TNRC6A: variants seen among roughly 807,000 people sequenced by gnomAD.
TNRC6A encodes trinucleotide repeat containing adaptor 6A.
A neutral mutation model predicts 221.2 loss-of-function variants in TNRC6A; 44 were observed. The ratio of observed to expected loss-of-function variants is 0.20; its 90% confidence interval spans 0.16 to 0.26. The LOEUF (loss-of-function observed/expected upper bound fraction) is 0.26, where lower values mean the gene tolerates loss of function less well. TNRC6A is among the 10% of genes least tolerant of loss of function. The pLI, the probability that TNRC6A is intolerant of heterozygous loss-of-function variation, is 1.00. For synonymous variants in TNRC6A, 847 were observed against 838.5 expected (o/e 1.01, Z -0.18); for missense variants, 2,199 against 2,404.4 (o/e 0.91, Z 1.79).
In TNRC6A at chr16:24,797,936, G is replaced by A. The variant is rs951488085; in HGVS notation, c.3664G>A (p.Val1222Ile). 6.2e-7 allele frequency: 1 copy of A among 1,610,990 alleles called. No individual in the cohort carries two copies. The highest frequency in any genetic ancestry group is 1.1e-5 in the South Asian group (1 of 90,174). Residue 1222 changes from valine to isoleucine, a missense_variant, in exon 11 of 25, where the codon GTA (valine) becomes ATA (isoleucine). Coordinates refer to ENST00000395799, the MANE Select transcript of TNRC6A (RefSeq NM_014494.4). ...TCAGAGAGACTCACCAGAGGAAAAT[G>A]TACAAAGCAATAAGATGGACCTTTC... The part of the protein sequence containing the change: ...SFSRDSPEEN[V>I]QSNKMDLSGG...
At chr16:24,763,499 C>T (rs925171849) in intron 4 of TNRC6A, among the ~76,000 whole-genome samples, 1 of 152,150 alleles carries the variant, frequency 6.6e-6, no homozygotes, top group African/African-American at 2.4e-5. Flanking sequence ...CACCTCTTTA[C>T]TTTTTCTTTC....
Position 24,777,699 on chromosome 16 carries a change from TCAA to T in TNRC6A, c.589+346_589+348del, listed in dbSNP as rs2057755498. Among the ~76,000 whole-genome samples the T allele has an allele frequency of 2.6e-5, 4 of 152,184 alleles. No individual in the cohort carries two copies. The South Asian group carries it at 6.2e-4, about 24-fold the overall frequency. On this transcript the variant is annotated intron_variant, in intron 5 of 24. Transcript: ENST00000395799. ...TTATACATATTATTGCATTTAATCT[TCAA>T]CAACGTTGTGAGACTGAGTTCTTAC...
chr16:24,820,708 G>T (rs540597362), intron 22 of TNRC6A, among the ~76,000 whole-genome samples: 6 of 152,226 alleles, frequency 3.9e-5, no homozygotes, highest in Admixed American at 2.6e-4. Context: ...GAAGACTAGG[G>T]GGGTAGCTTG....
chr16:24,626,419 T>C (rs892910233), intron 1 of TNRC6A, among the ~76,000 whole-genome samples: 3 of 152,128 alleles, frequency 2.0e-5, no homozygotes, highest in African/African-American at 7.2e-5. Context: ...CTCATTGCAA[T>C]GTATCTGAAA....
chr16:24,664,200 C>T (rs1214641350), intron 2 of TNRC6A, among the ~76,000 whole-genome samples: 5 of 151,816 alleles, frequency 3.3e-5, no homozygotes, highest in South Asian at 2.1e-4. Flanking sequence ...AGCATGGTGG[C>T]GCTCACCTGT....
chr16:24,694,619 A>C (rs1447601151), intron 2 of TNRC6A, among the ~76,000 whole-genome samples: 1 of 130,122 alleles, frequency 7.7e-6, no homozygotes, highest in East Asian at 2.4e-4. Flanking sequence ...GCGCCACTGC[A>C]CTCCAGCCTG....
At chr16:24,691,305 A>T (rs1348150970) in intron 2 of TNRC6A, among the ~76,000 whole-genome samples, 1 of 150,996 alleles carries the variant, frequency 6.6e-6, no homozygotes, top group Non-Finnish European at 1.5e-5. Context: ...GCAACCTCGA[A>T]CTCCTGGCCT....
Position 24,730,380 on chromosome 16 carries a change from A to C in TNRC6A, c.53+80A>C, listed in dbSNP as rs574472836. 2.7e-5 allele frequency: 41 copies of C among 1,519,266 alleles called. No individual in the cohort carries two copies. The African/African-American group carries it at 4.9e-4, about 18-fold the overall frequency. The allele number at this position is 1,519,266 out of a possible 1,614,324, so 94.1% of individuals were successfully genotyped here. A position where few individuals can be genotyped will look rare whatever the true frequency, so the allele number is the denominator to read the frequency against. On this transcript the variant is annotated intron_variant, in intron 2 of 24. Coordinates refer to ENST00000395799, the MANE Select transcript of TNRC6A (RefSeq NM_014494.4). ...CCGATTCGCCTTTTCTGGGTTGAGAAGTTCCCCCGTGACATTTTCTTCCGC... is the reference window on the plus strand; with the variant it reads ...CCGATTCGCCTTTTCTGGGTTGAGACGTTCCCCCGTGACATTTTCTTCCGC...
In TNRC6A at chr16:24,806,669, G is replaced by C. The variant is rs766766817; in HGVS notation, c.4425G>C (p.Gln1475His). 6.2e-7 allele frequency: 1 copy of C among 1,614,172 alleles called. No homozygotes were observed. The highest frequency in any genetic ancestry group is 2.2e-5 in the East Asian group (1 of 44,888). ...AGCAGCAGACTCCACCATCTCAGCA[G>C]CAGCCACTCCATCAGCCAGCCATGA... ...LVKQQTPPSQ[Q>H]QPLHQPAMKS... Residue 1475 changes from glutamine (Q) to histidine (H), a missense_variant, in exon 17 of 25, where the codon CAG (glutamine) becomes CAC (histidine). This residue lies in a region of TNRC6A where 449 missense variants were observed against 579.7 expected (regional missense o/e 0.77). Coordinates refer to ENST00000395799, the MANE Select transcript of TNRC6A (RefSeq NM_014494.4).
At chr16:24,674,838 C>G (rs1028339245) in intron 2 of TNRC6A, among the ~76,000 whole-genome samples, 15 of 151,978 alleles carry the variant, frequency 9.9e-5, no homozygotes, top group Non-Finnish European at 1.5e-5. Flanking sequence ...CTCTGTCAAG[C>G]CATCCAAATT....
chr16:24,641,695 T>C (rs1249939001), intron 2 of TNRC6A, among the ~76,000 whole-genome samples: 1 of 152,228 alleles, frequency 6.6e-6, no homozygotes, highest in Non-Finnish European at 1.5e-5. Flanking sequence ...CTATGAATTA[T>C]TTGTAAACAT....
chr16:24,812,368 T>C (rs1274428606), intron 18 of TNRC6A, among the ~76,000 whole-genome samples: 1 of 152,188 alleles, frequency 6.6e-6, no homozygotes, highest in South Asian at 2.1e-4. Flanking sequence ...TTTTCTGACC[T>C]GAAGAGAGAG....
At chr16:24,758,388 CCT>C in intron 4 of TNRC6A, 28 bp downstream of exon 4, 1 of 1,606,932 alleles carries the variant, frequency 6.2e-7, no homozygotes. Context: ...ATTTTTTATC[CCT>C]TTTTTCATTA....
intron 2 of TNRC6A, among the ~76,000 whole-genome samples, chr16:24,706,970 T>C (rs932031968): frequency 2.1e-5 from 3 of 140,092 alleles, no homozygotes; most frequent in Non-Finnish European, 4.5e-5. Context: ...TATTTATTTA[T>C]TTATCTATTT....
chr16:24,772,822 C>CATCAGGGA lies in TNRC6A; in HGVS notation c.164-4109_164-4102dup, dbSNP rs1238569417. ...GAAAAAGAAAAAGTATGGTAGTATT[C>CATCAGGGA]ATCAGGGAAATTATCTGATCCTGAT... On this transcript the variant is annotated intron_variant, in intron 4 of 24. Transcript: ENST00000395799. Among the ~76,000 whole-genome samples the CATCAGGGA allele has an allele frequency of 2.6e-5, 4 of 152,148 alleles. No homozygotes were observed. The East Asian group carries it at 7.7e-4, about 29-fold the overall frequency.
At chr16:24,728,776 T>C (rs1335641397), upstream of TNRC6A, among the ~76,000 whole-genome samples, 1 of 152,248 alleles carries the variant, frequency 6.6e-6, no homozygotes, top group Admixed American at 6.5e-5. Context: ...TGTCTACATA[T>C]ATACATATCT....
intron 1 of TNRC6A, among the ~76,000 whole-genome samples, chr16:24,620,896 CA>C (rs1285286524): frequency 2.0e-5 from 3 of 151,706 alleles, no homozygotes; most frequent in Non-Finnish European, 4.4e-5. Context: ...CCATCCTGGC[CA>C]ACATGGTGAA....
At chr16:24,727,517 A>G (rs577824680), upstream of TNRC6A, among the ~76,000 whole-genome samples, 88 of 152,278 alleles carry the variant, frequency 5.8e-4, no homozygotes, top group African/African-American at 2.1e-3. Context: ...CAGTGTGACA[A>G]CCAAAAAGTT....
At chr16:24,614,835 C>T (rs928192626) in intron 1 of TNRC6A, among the ~76,000 whole-genome samples, 5 of 152,174 alleles carry the variant, frequency 3.3e-5, no homozygotes, top group East Asian at 1.9e-4. Context: ...TTTGGGAGAA[C>T]GAGGCAGGTG....
Sources: allele counts gnomAD v4.1 joint callset (sites outside exome capture counted in the v4.1 genomes callset), GRCh38; gene constraint gnomAD v4.1.1; regional missense constraint gnomAD v4.1.1; transcripts MANE v1.5; gene names NCBI Gene and HGNC (gene_info 2026-07-23, HGNC 2026-07-21).